NR6A1: variants seen among roughly 807,000 people sequenced by gnomAD.
The protein encoded by NR6A1 is retinoic acid receptor-related testis-associated receptor.
Under a neutral mutation model 59.1 loss-of-function variants are expected in NR6A1, and 7 were observed. The observed-to-expected ratio is 0.12, with a 90% CI of 0.07 to 0.22. The LOEUF is 0.22. Among genes scored for constraint, NR6A1 ranks in the 10% least tolerant of loss-of-function variants. NR6A1 has a pLI of 1.00. For missense variants in NR6A1, 468 were observed against 611.6 expected (o/e 0.77, Z 2.48); for synonymous variants, 243 against 236.1 (o/e 1.03, Z -0.27).
chr9:124,592,670 A>G (rs1835162139), intron 2 of NR6A1, among the ~76,000 whole-genome samples: 1 of 152,198 alleles, frequency 6.6e-6, no homozygotes, highest in Non-Finnish European at 1.5e-5. Context: ...TTTCAAGCGC[A>G]GGTCTCCCCG....
At chr9:124,716,576 T>C (rs937728032) in intron 2 of NR6A1, among the ~76,000 whole-genome samples, 4 of 152,354 alleles carry the variant, frequency 2.6e-5, no homozygotes, top group African/African-American at 9.6e-5. Context: ...ATGTTATATG[T>C]AGAATAACAA....
intron 2 of NR6A1, among the ~76,000 whole-genome samples, chr9:124,557,699 G>A (rs897741410): frequency 6.6e-6 from 1 of 152,130 alleles, no homozygotes; most frequent in Non-Finnish European, 1.5e-5. Context: ...CACCCACTAT[G>A]TTTGAGATGG....
intron 2 of NR6A1, among the ~76,000 whole-genome samples, chr9:124,633,109 T>C (rs1234911365): frequency 1.3e-5 from 2 of 152,106 alleles, no homozygotes; most frequent in Non-Finnish European, 2.9e-5. Flanking sequence ...AAAAGATGAA[T>C]GGAAGACACT....
intron 2 of NR6A1, among the ~76,000 whole-genome samples, chr9:124,716,157 G>A (rs1307595040): frequency 6.6e-6 from 1 of 152,072 alleles, no homozygotes; most frequent in African/African-American, 2.4e-5. Flanking sequence ...GTGGGCCATG[G>A]TCATGCTACT....
chr9:124,749,217 G>T (rs1840427633), intron 1 of NR6A1, among the ~76,000 whole-genome samples: 3 of 148,042 alleles, frequency 2.0e-5, no homozygotes. Flanking sequence ...AGCCAAAATC[G>T]CACCATTGCA....
intron 2 of NR6A1, among the ~76,000 whole-genome samples, chr9:124,598,512 A>G: frequency 6.6e-6 from 1 of 152,116 alleles, no homozygotes; most frequent in East Asian, 1.9e-4. Context: ...CTAAATCCAA[A>G]CATACGTAGC....
intron 2 of NR6A1, among the ~76,000 whole-genome samples, chr9:124,714,648 AT>A (rs1249711957): frequency 1.3e-5 from 2 of 152,204 alleles, no homozygotes; most frequent in African/African-American, 2.4e-5. Context: ...CAAGAAATTT[AT>A]TTTTTAAAGT....
chr9:124,524,203 C>T (rs979608562), intron 9 of NR6A1, among the ~76,000 whole-genome samples: 1 of 152,146 alleles, frequency 6.6e-6, no homozygotes, highest in African/African-American at 2.4e-5. Flanking sequence ...CTGATCCTCT[C>T]GCCCCAGCCT....
chr9:124,543,210 C>T (rs867092587), intron 4 of NR6A1, among the ~76,000 whole-genome samples: 2 of 152,112 alleles, frequency 1.3e-5, no homozygotes, highest in African/African-American at 2.4e-5. Context: ...TCTCTAGTCC[C>T]CAACCACGGC....
At chr9:124,769,916 T>C (rs1233252506) in intron 1 of NR6A1, among the ~76,000 whole-genome samples, 17 of 152,150 alleles carry the variant, frequency 1.1e-4, no homozygotes, top group African/African-American at 4.1e-4. Context: ...ACGTTACCAA[T>C]AAAAACATTC....
chr9:124,534,827 A>C (rs1217037268), intron 7 of NR6A1, among the ~76,000 whole-genome samples: 1 of 152,194 alleles, frequency 6.6e-6, no homozygotes, highest in Non-Finnish European at 1.5e-5. Context: ...AAGAAAGAAG[A>C]CAATTAAAAA....
At chr9:124,768,165 A>G (rs1338323190) in intron 1 of NR6A1, among the ~76,000 whole-genome samples, 1 of 152,226 alleles carries the variant, frequency 6.6e-6, no homozygotes, top group Non-Finnish European at 1.5e-5. Flanking sequence ...CGGTAGGAAA[A>G]CATTTCTAAA....
intron 1 of NR6A1, among the ~76,000 whole-genome samples, chr9:124,747,739 C>T (rs972712138): frequency 6.6e-6 from 1 of 152,224 alleles, no homozygotes; most frequent in African/African-American, 2.4e-5. Context: ...TGGGCTCCCA[C>T]TTTACCACCC....
chr9:124,665,217 C>T (rs1837577318), intron 2 of NR6A1, among the ~76,000 whole-genome samples: 1 of 151,264 alleles, frequency 6.6e-6, no homozygotes, highest in African/African-American at 2.4e-5. Context: ...AAATAAACGG[C>T]AGTGAGCTGA....
At chr9:124,536,230 G>A in intron 6 of NR6A1, 98 bp from the exon 7 acceptor site, 7 of 1,352,708 alleles carry the variant, frequency 5.2e-6, no homozygotes, top group Non-Finnish European at 7.1e-6. Flanking sequence ...AGGGACCCTG[G>A]CAATGGGCTC....
At chr9:124,618,261 C>T (rs899956211) in intron 2 of NR6A1, among the ~76,000 whole-genome samples, 2 of 152,178 alleles carry the variant, frequency 1.3e-5, no homozygotes, top group Non-Finnish European at 2.9e-5. Context: ...GTAGGCGGAT[C>T]ACTTGAGGAC....
At chr9:124,715,202 GAA>G (rs1231756488) in intron 2 of NR6A1, among the ~76,000 whole-genome samples, 1 of 123,550 alleles carries the variant, frequency 8.1e-6, no homozygotes. Flanking sequence ...CTTCGTCTCA[GAA>G]AAAAAAAAAA....
intron 2 of NR6A1, among the ~76,000 whole-genome samples, chr9:124,724,262 G>T (rs558240528): frequency 6.6e-6 from 1 of 152,112 alleles, no homozygotes; most frequent in African/African-American, 2.4e-5. Flanking sequence ...ACTCTCAAAC[G>T]TGAAGCAATG....
In NR6A1 at chr9:124,771,050, G is replaced by A. The variant is rs752792787; in HGVS notation, c.70C>T (p.Pro24Ser). The A allele has an allele frequency of 8.7e-5, 107 of 1,230,662 alleles. No individual in the cohort carries two copies. The highest frequency in any genetic ancestry group is 4.4e-4 in the African/African-American group (28 of 64,284). 76.2% of individuals were successfully genotyped at this position (1,230,662 alleles called of 1,614,324 possible). A position where few individuals can be genotyped will look rare whatever the true frequency, so the allele number is the denominator to read the frequency against. The change falls in exon 1 of 10, where the codon CCC becomes TCC. Residue 24 changes from proline (P) to serine (S), a missense_variant. Pro to Ser is a moderately conservative substitution (Grantham distance 74). Coordinates refer to ENST00000487099, the MANE Select transcript of NR6A1 (RefSeq NM_033334.4). ...CGCGGCGGCGGAGGGAGCGCGGCGGGAGGCTCCAGGAACCCCGCCGAGCCC... is the reference window on the plus strand; with the variant it reads ...CGCGGCGGCGGAGGGAGCGCGGCGGAAGGCTCCAGGAACCCCGCCGAGCCC... ...GGGSAGFLEP[P>S]AALPPPPRNG...
Sources: gnomAD v4.1 joint callset for allele counts (sites outside exome capture counted in the v4.1 genomes callset) on GRCh38, gnomAD v4.1.1 for gene constraint, MANE v1.5 for transcripts, NCBI Gene and HGNC (gene_info 2026-07-23, HGNC 2026-07-21) for gene names.